Variants in BCLAF3 observed in about 807,000 individuals in gnomAD.
BCLAF3 encodes the protein BCLAF1 and THRAP3 family member 3, also known as transient octamer binding factor 1.
A neutral mutation model predicts 51.2 loss-of-function variants in BCLAF3; 24 were observed. The observed-to-expected ratio is 0.47, with a 90% CI of 0.34 to 0.66. The LOEUF is 0.66. BCLAF3 is among the 30% of genes least tolerant of loss of function. The probability of loss-of-function intolerance (pLI) is 0.01; values close to 1 mark genes in which losing one functional copy is unlikely to be tolerated. For synonymous variants in BCLAF3, 152 were observed against 176.6 expected, an observed-to-expected ratio of 0.86 and a Z score of 1.10; for missense variants, 465 against 525.1, an observed-to-expected ratio of 0.89 and a Z score of 1.12.
intron 9 of BCLAF3, 56 bp downstream of exon 9, chrX:19,937,362 G>C (rs760036339): frequency 2.7e-5 from 16 of 583,894 alleles, no homozygotes; most frequent in Non-Finnish European, 2.7e-5. Context: ...TGCACATTTT[G>C]ATGTATTGGA....
intron 8 of BCLAF3, among the ~76,000 whole-genome samples, chrX:19,940,033 T>C (rs2070945136): frequency 8.9e-6 from 1 of 112,020 alleles, no homozygotes; most frequent in Non-Finnish European, 1.9e-5. Flanking sequence ...ACTGTGAATA[T>C]ACTCAATGTC....
Position 19,915,449 on chromosome X carries a change from T to TTTTGCAGATAACACGC in BCLAF3, c.*1840_*1855dup, listed in dbSNP as rs1464743496. 2.7e-5 allele frequency: 3 copies of TTTTGCAGATAACACGC among 112,121 alleles called. No homozygotes were observed. Among genetic ancestry groups the TTTTGCAGATAACACGC allele is most frequent in the African/African-American group, 6.5e-5 (2 of 30,862 alleles). The allele number at this position is 112,121 out of a possible 1,213,427, so 9.2% of individuals were successfully genotyped here. On this transcript the variant is annotated 3_prime_UTR_variant, in exon 12 of 12. Transcript: ENST00000379682. ...ACACACAATGTTTTCTGCACAGGTA[T>TTTTGCAGATAACACGC]TTTGCAGATAACACGCTTTGCATAT...
At position 19,929,925 on chromosome X, in the gene BCLAF3, C is replaced by T. The variant is rs2070486455; in HGVS notation, c.1966G>A (p.Gly656Ser). The change falls in exon 11 of 12, where the codon GGC (glycine) becomes AGC (serine). Residue 656 changes from glycine to serine, a missense_variant. By Grantham distance (56) the Gly-to-Ser change is moderately conservative. Coordinates refer to ENST00000379682, the MANE Select transcript of BCLAF3 (RefSeq NM_001367774.2). ...VRPFKSNFRG[G>S]RCQPNYKSGL... ...GATTTATAATTGGGCTGGCATCTGC[C>T]ACCTCTAAAGTTGCTCTGTGAAGGA... is the stretch of plus-strand genomic sequence containing the variant. 8.3e-7 allele frequency: 1 copy of T among 1,206,414 alleles called. No homozygotes were observed. The highest frequency in any genetic ancestry group is 1.1e-6 in the Non-Finnish European group (1 of 893,908).
At chrX:19,966,946 AT>A (rs2072080561) in intron 2 of BCLAF3, among the ~76,000 whole-genome samples, 1 of 111,258 alleles carries the variant, frequency 9.0e-6, no homozygotes. Context: ...AGCAGGATCC[AT>A]TTTGGAAGAC....
chrX:19,947,247 T>A (rs1426475978), intron 8 of BCLAF3, among the ~76,000 whole-genome samples: 1 of 112,163 alleles, frequency 8.9e-6, no homozygotes, highest in East Asian at 2.8e-4. Context: ...AACTCCTTGT[T>A]AAAAAATAAA....
rs763061963 is a variant in BCLAF3 at position 19,946,574 on chromosome X, G to C, written c.1745+4179C>G. ...CCACAGTGATCCTTTTAAAATTTAA[G>C]TGAGATTATGTCTCTTCTCTGGTTA... On this transcript the variant is annotated intron_variant, in intron 8 of 11. Transcript: ENST00000379682. Among the ~76,000 whole-genome samples the C allele has an allele frequency of 3.6e-5, 4 of 111,294 alleles. No individual in the cohort carries two copies. The South Asian group carries it at 1.1e-3, about 32-fold the overall frequency.
chrX:19,919,955 G>A (rs2070086648), intron 11 of BCLAF3, among the ~76,000 whole-genome samples: 1 of 111,532 alleles, frequency 9.0e-6, no homozygotes, highest in Admixed American at 9.5e-5. Context: ...ATGGCCCTTG[G>A]CCAGCATCTG....
In BCLAF3 at chrX:19,965,386, T is replaced by C. The variant is rs1390365926; in HGVS notation, c.932A>G (p.Tyr311Cys). The change falls in exon 4 of 12, where the codon TAT becomes TGT. Residue 311 changes from tyrosine (Y) to cysteine (C), a missense_variant. Coordinates refer to ENST00000379682, the MANE Select transcript of BCLAF3 (RefSeq NM_001367774.2). Reference sequence around the variant, plus strand: ...ATTTAGAGGGCCTTTTTGAAAACTATATTTTCTATCTTCTTCCTTACAGTA... The same window carrying C: ...ATTTAGAGGGCCTTTTTGAAAACTACATTTTCTATCTTCTTCCTTACAGTA... ...QKYCKEEDRK[Y>C]SFQKGPLNRE... 8.3e-7 allele frequency: 1 copy of C among 1,211,440 alleles called. No homozygotes were observed. The highest frequency in any genetic ancestry group is 2.2e-5 in the Admixed American group (1 of 46,050).
chrX:19,990,971 C>CCGG lies in BCLAF3; in HGVS notation c.-101_-99dup, dbSNP rs1315479169. On this transcript the variant is annotated 5_prime_UTR_variant, in exon 1 of 12. Coordinates refer to ENST00000379682, the MANE Select transcript of BCLAF3 (RefSeq NM_001367774.2). ...GCCGCCGCCGCCGCCGCCGCCGCCG[C>CCGG]CGGCCCCTCGGGCCTCGCCCCTCAC... Among the ~76,000 whole-genome samples the CCGG allele has an allele frequency of 1.3e-4, 13 of 100,770 alleles. No homozygotes were observed. Among genetic ancestry groups the CCGG allele is most frequent in the Non-Finnish European group, 2.4e-4 (12 of 49,969 alleles). 87.5% of individuals were successfully genotyped at this position (100,770 alleles called of 115,157 possible). A position where few individuals can be genotyped will look rare whatever the true frequency, so the allele number is the denominator to read the frequency against.
chrX:19,920,913 T>C (rs765993736), intron 11 of BCLAF3, among the ~76,000 whole-genome samples: 1 of 110,741 alleles, frequency 9.0e-6, no homozygotes. Flanking sequence ...AATTAGAGAC[T>C]AAATGAAACA....
In BCLAF3 at chrX:19,915,380, C is replaced by G. The variant is rs765935874; in HGVS notation, c.*1925G>C. On this transcript the variant is annotated 3_prime_UTR_variant, in exon 12 of 12. Transcript: ENST00000379682. ...ACGGTCCCTGTCCTTATTTTATACT[C>G]TAAATTATAAAGTTGGTTTTTCCTT... 1 of 111,876 alleles carries G rather than the reference C, an allele frequency of 8.9e-6. No individual in the cohort carries two copies. Among genetic ancestry groups the G allele is most frequent in the African/African-American group, 3.2e-5 (1 of 30,815 alleles). The allele number at this position is 111,876 out of a possible 1,213,427, so 9.2% of individuals were successfully genotyped here.
intron 8 of BCLAF3, 71 bp downstream of exon 8, chrX:19,950,682 C>T (rs2071448659): frequency 6.6e-6 from 5 of 752,308 alleles, no homozygotes; most frequent in Middle Eastern, 3.0e-4. Context: ...ATTATCATCA[C>T]ACAAAAAATG....
chrX:19,985,925 T>C (rs1254462131), intron 1 of BCLAF3, among the ~76,000 whole-genome samples: 1 of 110,796 alleles, frequency 9.0e-6, no homozygotes, highest in Non-Finnish European at 1.9e-5. Context: ...CACGTCAGTC[T>C]GAGTGACAGA....
intron 9 of BCLAF3, 125 bp downstream of exon 9, chrX:19,937,293 G>A (rs750563114): frequency 2.1e-5 from 10 of 487,361 alleles, no homozygotes; most frequent in East Asian, 3.8e-5. Context: ...AAGCATCAAC[G>A]GAATCTTATA....
In BCLAF3 at chrX:19,965,529, A is replaced by G. The variant is rs761911287; in HGVS notation, c.789T>C (p.His263=). The G allele has an allele frequency of 8.3e-7, 1 of 1,205,226 alleles. No individual in the cohort carries two copies. The highest frequency in any genetic ancestry group is 1.8e-5 in the South Asian group (1 of 55,418). The part of the protein sequence containing the change: ...QWNLGPQTYR[H]AEREHPETSS... ...TGGTCTCTGGGTGTTCCCTCTCAGC[A>G]TGTCGATAAGTTTGGGGCCCAAGGT... The change falls in exon 4 of 12, where the codon CAT becomes CAC. Residue 263 remains histidine (H), a synonymous_variant. Coordinates refer to ENST00000379682, the MANE Select transcript of BCLAF3 (RefSeq NM_001367774.2).
chrX:19,976,397 T>A (rs1338004490), intron 1 of BCLAF3, among the ~76,000 whole-genome samples: 1 of 111,603 alleles, frequency 9.0e-6, no homozygotes, highest in African/African-American at 3.3e-5. Flanking sequence ...AAACAGAATT[T>A]CTTTTTTTTT....
At chrX:19,986,741 G>T (rs1162851145) in intron 1 of BCLAF3, among the ~76,000 whole-genome samples, 2 of 109,786 alleles carry the variant, frequency 1.8e-5, no homozygotes, top group Non-Finnish European at 3.8e-5. Flanking sequence ...CTAGGTAGCA[G>T]CAGGGTGATT....
chrX:19,950,718 C>T (rs1265002118), intron 8 of BCLAF3, 35 bp downstream of exon 8: 1 of 1,019,013 alleles, frequency 9.8e-7, no homozygotes, highest in Non-Finnish European at 1.4e-6. Flanking sequence ...ACCCAAAGCT[C>T]CCTGATAACA....
intron 11 of BCLAF3, among the ~76,000 whole-genome samples, chrX:19,919,283 T>C (rs1363228223): frequency 8.9e-6 from 1 of 112,341 alleles, no homozygotes; most frequent in Non-Finnish European, 1.9e-5. Context: ...ATATTGATTT[T>C]CTCTTCCCTT....
Sources: allele counts gnomAD v4.1 joint callset (sites outside exome capture counted in the v4.1 genomes callset), GRCh38; gene constraint gnomAD v4.1.1; transcripts MANE v1.5; gene names NCBI Gene and HGNC (gene_info 2026-07-23, HGNC 2026-07-21).